Variants in GFRA1 observed in about 807,000 individuals in gnomAD.
GFRA1 encodes GDNF family receptor alpha 1.
Under a neutral mutation model 51.6 loss-of-function variants are expected in GFRA1, and 16 were observed. That is an observed-to-expected ratio of 0.31 (90% CI 0.21 to 0.47). The LOEUF (loss-of-function observed/expected upper bound fraction) is 0.47. GFRA1 is among the 20% of genes least tolerant of loss of function. The pLI, the probability that GFRA1 is intolerant of heterozygous loss-of-function variation, is 1.00. For synonymous variants in GFRA1, 270 were observed against 241.3 expected, an observed-to-expected ratio of 1.12 and a Z score of -1.10; for missense variants, 530 against 594.3, an observed-to-expected ratio of 0.89 and a Z score of 1.13.
intron 6 of GFRA1, among the ~76,000 whole-genome samples, chr10:116,119,528 A>T (rs927408106): frequency 6.6e-6 from 1 of 152,230 alleles, no homozygotes; most frequent in Non-Finnish European, 1.5e-5. Flanking sequence ...TTTGTGAATG[A>T]ATCAGCGTAA....
intron 4 of GFRA1, among the ~76,000 whole-genome samples, chr10:116,246,231 A>C (rs1006260759): frequency 1.3e-5 from 2 of 152,130 alleles, no homozygotes; most frequent in Admixed American, 6.5e-5. Context: ...GGAGTTCGAG[A>C]CCAGCCTGGC....
At chr10:116,171,735 T>A (rs1267721856) in intron 5 of GFRA1, among the ~76,000 whole-genome samples, 1 of 152,218 alleles carries the variant, frequency 6.6e-6, no homozygotes, top group Non-Finnish European at 1.5e-5. Flanking sequence ...GCAGCGGCTT[T>A]CCTTGAATTT....
At chr10:116,193,900 G>C (rs953965571) in intron 5 of GFRA1, among the ~76,000 whole-genome samples, 1 of 151,930 alleles carries the variant, frequency 6.6e-6, no homozygotes, top group Non-Finnish European at 1.5e-5. Flanking sequence ...TTAGCTGGGC[G>C]TGGTGGAGGG....
rs552033855 is a variant in GFRA1 at position 116,200,365 on chromosome 10, C to T, written c.433+11266G>A. 1.7e-4 allele frequency among the ~76,000 whole-genome samples: 26 copies of T among 152,306 alleles called. 1 individual carries two copies. The South Asian group carries it at 5.2e-3, about 30-fold the overall frequency. ...AATTTCCTGGGTCTGAACTCAGATT[C>T]AGTCCTTCACTAGCTGTAAGACCTT... On this transcript the variant is annotated intron_variant, in intron 5 of 10. Coordinates refer to ENST00000355422, the MANE Select transcript of GFRA1 (RefSeq NM_005264.8).
intron 5 of GFRA1, among the ~76,000 whole-genome samples, chr10:116,137,812 T>C (rs1958395892): frequency 6.6e-6 from 1 of 152,176 alleles, no homozygotes; most frequent in South Asian, 2.1e-4. Context: ...GTATTTATTA[T>C]TATTTTTGAG....
intron 9 of GFRA1, among the ~76,000 whole-genome samples, chr10:116,085,711 G>C (rs569785998): frequency 1.3e-5 from 2 of 152,274 alleles, no homozygotes; most frequent in Admixed American, 6.5e-5. Context: ...TCTAGCCTCA[G>C]ATGATCCTTT....
intron 5 of GFRA1, among the ~76,000 whole-genome samples, chr10:116,206,288 T>C (rs1964749001): frequency 6.6e-6 from 1 of 152,172 alleles, no homozygotes; most frequent in Non-Finnish European, 1.5e-5. Context: ...GCATAATTCA[T>C]GGCTAAGGGG....
Position 116,089,742 on chromosome 10 carries a change from T to C in GFRA1, c.1196A>G (p.Gln399Arg). ...THVLPPCANL[Q>R]AQKLKSNVSG... ...AAGGAATCTGGACGCAGTTCTCACC[T>C]GTAAATTTGCACACGGTGGCAAAAC... Residue 399 changes from glutamine to arginine, a missense_variant and splice_region_variant, in exon 9 of 11, where the codon CAG becomes CGG. Physicochemically the swap from Gln to Arg is conservative, Grantham distance 43. Transcript: ENST00000355422. The C allele has an allele frequency of 6.2e-7, 1 of 1,613,600 alleles. No individual in the cohort carries two copies. Among genetic ancestry groups the C allele is most frequent in the South Asian group, 1.1e-5 (1 of 91,060 alleles).
chr10:116,274,184 A>C (rs553935894), upstream of GFRA1, among the ~76,000 whole-genome samples: 15 of 125,230 alleles, frequency 1.2e-4, no homozygotes, highest in South Asian at 2.2e-3. Context: ...CACGCCTGAC[A>C]CACGCTCCCC....
chr10:116,121,971 A>G (rs577508374), intron 6 of GFRA1, among the ~76,000 whole-genome samples: 1 of 152,326 alleles, frequency 6.6e-6, no homozygotes, highest in African/African-American at 2.4e-5. Flanking sequence ...CTGCTAGCCA[A>G]CCTAGCAGCT....
chr10:116,116,787 G>T (rs1188407582), intron 6 of GFRA1, among the ~76,000 whole-genome samples: 1 of 152,218 alleles, frequency 6.6e-6, no homozygotes, highest in East Asian at 1.9e-4. Flanking sequence ...TAATGAGCTT[G>T]TATTACCTGA....
At chr10:116,203,037 G>A (rs181764806) in intron 5 of GFRA1, among the ~76,000 whole-genome samples, 77 of 152,190 alleles carry the variant, frequency 5.1e-4, no homozygotes, top group African/African-American at 1.6e-3. Flanking sequence ...AATGGGGTGC[G>A]ATGGGGGAGG....
chr10:116,187,841 G>A (rs1046232764), intron 5 of GFRA1, among the ~76,000 whole-genome samples: 1 of 152,092 alleles, frequency 6.6e-6, no homozygotes, highest in African/African-American at 2.4e-5. Context: ...GCAGCAGTAA[G>A]TTTGCGTTGA....
chr10:116,160,017 A>G (rs974204023), intron 5 of GFRA1, among the ~76,000 whole-genome samples: 7 of 152,234 alleles, frequency 4.6e-5, no homozygotes, highest in African/African-American at 9.6e-5. Flanking sequence ...ACTAACCAGT[A>G]TATCAGGGAC....
At chr10:116,098,753 T>C (rs962909047) in intron 6 of GFRA1, among the ~76,000 whole-genome samples, 7 of 152,220 alleles carry the variant, frequency 4.6e-5, no homozygotes, top group Non-Finnish European at 8.8e-5. Flanking sequence ...AGGATTACTG[T>C]CCTTCAGCGA....
intron 6 of GFRA1, among the ~76,000 whole-genome samples, chr10:116,117,230 G>C (rs969666301): frequency 1.3e-5 from 2 of 152,080 alleles, no homozygotes; most frequent in Non-Finnish European, 2.9e-5. Flanking sequence ...CGTTGTTGTT[G>C]TTTTGTTTTC....
At chr10:116,133,735 C>T (rs910016029) in intron 5 of GFRA1, among the ~76,000 whole-genome samples, 2 of 152,238 alleles carry the variant, frequency 1.3e-5, no homozygotes, top group Non-Finnish European at 1.5e-5. Context: ...GGCCTCTCCG[C>T]GGTCTGCGGC....
At chr10:116,194,643 A>C (rs1224087295) in intron 5 of GFRA1, among the ~76,000 whole-genome samples, 1 of 151,132 alleles carries the variant, frequency 6.6e-6, no homozygotes, top group Non-Finnish European at 1.5e-5. Flanking sequence ...GAGCAACTTT[A>C]ATTTTTTTTT....
chr10:116,120,945 G>A (rs1957617736), intron 6 of GFRA1, among the ~76,000 whole-genome samples: 1 of 152,182 alleles, frequency 6.6e-6, no homozygotes, highest in Non-Finnish European at 1.5e-5. Context: ...GGCTTCGCAG[G>A]CTTGGGGGTC....
Sources: allele counts gnomAD v4.1 joint callset (sites outside exome capture counted in the v4.1 genomes callset), GRCh38; gene constraint gnomAD v4.1.1; transcripts MANE v1.5; gene names NCBI Gene and HGNC (gene_info 2026-07-23, HGNC 2026-07-21).